MED27: variants seen among roughly 807,000 people sequenced by gnomAD.
MED27 encodes mediator of RNA polymerase II transcription subunit 27.
In MED27, 30 loss-of-function variants were observed where a neutral mutation model predicts 38.2. The ratio of observed to expected loss-of-function variants is 0.79; its 90% CI spans 0.59 to 1.07. The LOEUF is 1.07. Ranked by LOEUF, MED27 falls within the 50% of genes least tolerant of loss-of-function variation. MED27 has a pLI of 0.00. For missense variants in MED27, 289 were observed against 397.5 expected (o/e 0.73, Z 2.32); for synonymous variants, 122 against 153.5 (o/e 0.79, Z 1.52).
chr9:132,073,204 T>C (rs761450109), intron 2 of MED27: 12 of 451,668 alleles, frequency 2.7e-5, no homozygotes, highest in Non-Finnish European at 3.2e-5. Flanking sequence ...CTGGCCTCCA[T>C]CATAAGGTCT....
chr9:131,933,522 T>C (rs535953197), intron 4 of MED27, among the ~76,000 whole-genome samples: 1 of 152,120 alleles, frequency 6.6e-6, no homozygotes, highest in African/African-American at 2.4e-5. Context: ...TAAAATTAAA[T>C]ACCCTGGAAT....
rs1832122992 is a variant in MED27, at chr9:131,997,747, G to A, written c.479+16590C>T. Among the ~76,000 whole-genome samples, 1 of 152,198 alleles carries A rather than the reference G, an allele frequency of 6.6e-6. No individual in the cohort carries two copies. The highest frequency in any genetic ancestry group is 2.4e-5 in the African/African-American group (1 of 41,456). On this transcript the variant is annotated intron_variant, in intron 3 of 7. Coordinates refer to ENST00000292035, the MANE Select transcript of MED27 (RefSeq NM_004269.4). The surrounding 1 kb of genome is among the most constrained non-coding windows in gnomAD (Gnocchi z 4.0). ...CAGTCCCAGCACTTCCTAGCTGGGG[G>A]CCTCCAGACAAGGTGGGAGCTTCGG...
intron 5 of MED27, 26 bp from the exon 6 acceptor site, chr9:131,884,125 T>A (rs576832521): frequency 6.3e-7 from 1 of 1,582,630 alleles, no homozygotes; most frequent in South Asian, 1.2e-5. Flanking sequence ...AGAAGGATCA[T>A]CAGCATCGGT....
At chr9:131,880,158 C>T (rs189794995) in intron 6 of MED27, among the ~76,000 whole-genome samples, 1 of 152,182 alleles carries the variant, frequency 6.6e-6, no homozygotes, top group African/African-American at 2.4e-5. Context: ...GTGCTTTCTA[C>T]CGCCATCTCC....
chr9:132,066,153 C>T (rs566496601), intron 2 of MED27, among the ~76,000 whole-genome samples: 5 of 152,376 alleles, frequency 3.3e-5, no homozygotes, highest in African/African-American at 1.2e-4. Context: ...ACCCATAGAG[C>T]AGGCAGCCGC....
chr9:131,992,010 C>T (rs971785776), intron 3 of MED27, among the ~76,000 whole-genome samples: 5 of 152,184 alleles, frequency 3.3e-5, no homozygotes, highest in East Asian at 1.9e-4. Flanking sequence ...CGTGAGCCAC[C>T]GCGCTCAGCC....
intron 5 of MED27, 147 bp downstream of exon 5, chr9:131,893,738 A>T (rs1829766670): frequency 1.7e-6 from 1 of 597,728 alleles, no homozygotes; most frequent in South Asian, 2.2e-5. Context: ...TTTTTTCACA[A>T]AGTGTGCATC....
intron 3 of MED27, among the ~76,000 whole-genome samples, chr9:131,985,436 G>A (rs531987185): frequency 6.6e-6 from 1 of 152,278 alleles, no homozygotes; most frequent in Admixed American, 6.5e-5. Context: ...GCATAACAGT[G>A]TTTTGGTGAG....
At chr9:131,980,345 T>C (rs547297109) in intron 3 of MED27, among the ~76,000 whole-genome samples, 1 of 152,274 alleles carries the variant, frequency 6.6e-6, no homozygotes, top group Admixed American at 6.5e-5. Context: ...TTTCCTCACA[T>C]TCAGAACACA....
chr9:131,986,535 G>C (rs529780607), intron 3 of MED27, among the ~76,000 whole-genome samples: 1 of 152,118 alleles, frequency 6.6e-6, no homozygotes, highest in Admixed American at 6.6e-5. Flanking sequence ...ACTATGCTTA[G>C]GTATGTTTAG....
At chr9:131,895,899 T>C (rs1417976031) in intron 4 of MED27, among the ~76,000 whole-genome samples, 3 of 148,008 alleles carry the variant, frequency 2.0e-5, no homozygotes, top group African/African-American at 5.1e-5. Flanking sequence ...AACTGAGTTA[T>C]AGTTGTTTTT....
chr9:131,897,456 T>C (rs1829851229), intron 4 of MED27, among the ~76,000 whole-genome samples: 1 of 152,230 alleles, frequency 6.6e-6, no homozygotes. Flanking sequence ...ATGAGACTGT[T>C]GGAAATCTGA....
chr9:132,054,675 G>A (rs111834141), intron 2 of MED27, among the ~76,000 whole-genome samples: 5,782 of 152,168 alleles, frequency 0.038, 389 homozygotes, highest in African/African-American at 0.13. Flanking sequence ...CTCCCAAAGT[G>A]CTAAGATTAC....
At chr9:131,974,917 G>A (rs1831571039) in intron 3 of MED27, among the ~76,000 whole-genome samples, 1 of 152,090 alleles carries the variant, frequency 6.6e-6, no homozygotes, top group South Asian at 2.1e-4. Context: ...GTTCAGAAGG[G>A]CATATATCTT....
chr9:132,031,905 A>G (rs962640106), intron 2 of MED27: 2 of 152,248 alleles, frequency 1.3e-5, no homozygotes, highest in Non-Finnish European at 2.9e-5. Flanking sequence ...GTAACACTTA[A>G]TTTTATTTCA....
intron 4 of MED27, among the ~76,000 whole-genome samples, chr9:131,933,250 C>T (rs2131570866): frequency 6.6e-6 from 1 of 152,098 alleles, no homozygotes; most frequent in South Asian, 2.1e-4. Flanking sequence ...TACTGGAAGT[C>T]CTAGCTAGAG....
At chr9:132,053,520 A>G (rs879529391) in intron 2 of MED27, among the ~76,000 whole-genome samples, 5 of 152,214 alleles carry the variant, frequency 3.3e-5, no homozygotes, top group Non-Finnish European at 2.9e-5. Flanking sequence ...TGAATAACTT[A>G]TAGACATTAC....
At chr9:131,888,384 C>T (rs1033722230) in intron 5 of MED27, among the ~76,000 whole-genome samples, 3 of 152,060 alleles carry the variant, frequency 2.0e-5, no homozygotes, top group African/African-American at 4.8e-5. Context: ...CAGCTCTTAC[C>T]CTGGGAGGAA....
chr9:132,061,121 T>C (rs1488254529), intron 2 of MED27, among the ~76,000 whole-genome samples: 3 of 152,142 alleles, frequency 2.0e-5, no homozygotes, highest in Non-Finnish European at 4.4e-5. Flanking sequence ...TAAAGGACAC[T>C]TTAGGATAGA....
Sources: allele counts gnomAD v4.1 joint callset (sites outside exome capture counted in the v4.1 genomes callset), GRCh38; gene constraint gnomAD v4.1.1; non-coding constraint Gnocchi (gnomAD v3.1); transcripts MANE v1.5; gene names NCBI Gene and HGNC (gene_info 2026-07-23, HGNC 2026-07-21).